SLC14A2: variants seen among roughly 807,000 people sequenced by gnomAD.
SLC14A2 encodes the protein urea transporter 2.
In SLC14A2, 91 loss-of-function variants were observed where a neutral mutation model predicts 104.6. The observed-to-expected ratio is 0.87, with a 90% CI of 0.73 to 1.04. The LOEUF (loss-of-function observed/expected upper bound fraction) is 1.04, where lower values mean the gene tolerates loss of function less well. Among genes scored for constraint, SLC14A2 ranks in the 50% least tolerant of loss-of-function variants. The pLI is 0.00. For missense variants in SLC14A2, 1,189 were observed against 1,156.0 expected, an observed-to-expected ratio of 1.03 and a Z score of -0.41; for synonymous variants, 476 against 466.4, an observed-to-expected ratio of 1.02 and a Z score of -0.27.
intron 8 of SLC14A2, among the ~76,000 whole-genome samples, chr18:45,641,792 G>T (rs2045532970): frequency 6.6e-6 from 1 of 152,180 alleles, no homozygotes; most frequent in Non-Finnish European, 1.5e-5. Flanking sequence ...GTCCACAAAG[G>T]TTGTTGGAAT....
intron 1 of SLC14A2, among the ~76,000 whole-genome samples, chr18:45,426,505 T>G (rs2086428555): frequency 6.6e-6 from 1 of 151,582 alleles, no homozygotes; most frequent in Admixed American, 6.6e-5. Context: ...CTTGTATGTT[T>G]TATCCCTGAT....
At chr18:45,282,910 G>C (rs767107641) in intron 1 of SLC14A2, among the ~76,000 whole-genome samples, 17 of 151,478 alleles carry the variant, frequency 1.1e-4, no homozygotes, top group Non-Finnish European at 2.1e-4. Context: ...CTTTGTGATT[G>C]TACTGAGTTT....
intron 1 of SLC14A2, among the ~76,000 whole-genome samples, chr18:45,328,965 A>G (rs1242886617): frequency 2.6e-5 from 4 of 152,218 alleles, no homozygotes. Context: ...AAGTAGAGAT[A>G]ATTTGTTCCA....
At chr18:45,550,516 A>G (rs538167334) in intron 2 of SLC14A2, among the ~76,000 whole-genome samples, 1 of 152,272 alleles carries the variant, frequency 6.6e-6, no homozygotes, top group East Asian at 1.9e-4. Context: ...TGGCGTATTC[A>G]TCCCTGAACC....
chr18:45,393,609 G>C (rs982861386), intron 1 of SLC14A2, among the ~76,000 whole-genome samples: 1 of 152,190 alleles, frequency 6.6e-6, no homozygotes, highest in Non-Finnish European at 1.5e-5. Flanking sequence ...GGAGGGAGCT[G>C]GAAGCTCTTG....
intron 1 of SLC14A2, among the ~76,000 whole-genome samples, chr18:45,229,830 G>A (rs994555713): frequency 1.3e-5 from 2 of 152,030 alleles, no homozygotes; most frequent in African/African-American, 4.8e-5. Context: ...GCGTTCCCAG[G>A]TGCAACTCTT....
chr18:45,377,385 CTT>C (rs1357774423), intron 1 of SLC14A2, among the ~76,000 whole-genome samples: 4 of 152,086 alleles, frequency 2.6e-5, no homozygotes, highest in Non-Finnish European at 5.9e-5. Flanking sequence ...ACTCCAATGA[CTT>C]TTAAATCCCC....
In SLC14A2 at chr18:45,641,415, T is replaced by C. The variant is rs1486939681; in HGVS notation, c.1126+72T>C. ...TCCCCCCTTGTTTATGTGAAACCCA[T>C]GGGGACCACTAATCAATACTGTTCA... On this transcript the variant is annotated intron_variant, in intron 8 of 19. Transcript: ENST00000255226. The C allele has an allele frequency of 2.6e-6, 4 of 1,539,020 alleles. No individual in the cohort carries two copies. The East Asian group carries it at 6.7e-5, about 26-fold the overall frequency.
intron 2 of SLC14A2, among the ~76,000 whole-genome samples, chr18:45,495,474 A>C (rs1019513738): frequency 6.6e-6 from 1 of 152,164 alleles, no homozygotes; most frequent in African/African-American, 2.4e-5. Context: ...CCACCCAGCC[A>C]CCCGGTGATC....
chr18:45,669,789 T>TTCAGCC (rs1239677447), intron 16 of SLC14A2, among the ~76,000 whole-genome samples: 1 of 152,240 alleles, frequency 6.6e-6, no homozygotes, highest in Non-Finnish European at 1.5e-5. Context: ...AGACTAGAAC[T>TTCAGCC]TCAGCCTCCT....
the SLC14A2 span, among the ~76,000 whole-genome samples, chr18:45,199,164 C>A: frequency 6.6e-6 from 1 of 152,164 alleles, no homozygotes. Flanking sequence ...AGCTGCCAAC[C>A]AGATTGATGG....
intron 1 of SLC14A2, among the ~76,000 whole-genome samples, chr18:45,353,785 A>C (rs1183540113): frequency 2.0e-5 from 3 of 152,186 alleles, no homozygotes; most frequent in South Asian, 2.1e-4. Flanking sequence ...CCAAGACTAA[A>C]TATACACCCC....
At chr18:45,629,459 C>T (rs142884996) in intron 4 of SLC14A2, among the ~76,000 whole-genome samples, 16 of 152,296 alleles carry the variant, frequency 1.1e-4, no homozygotes, top group African/African-American at 3.9e-4. Flanking sequence ...CAGAACTGAG[C>T]CCCTGGCAGA....
chr18:45,169,805 T>C, the SLC14A2 span, among the ~76,000 whole-genome samples: 1 of 152,140 alleles, frequency 6.6e-6, no homozygotes, highest in African/African-American at 2.4e-5. Context: ...TATTGGGCAA[T>C]ACCATCTACT....
intron 1 of SLC14A2, among the ~76,000 whole-genome samples, chr18:45,285,673 C>A (rs1019026312): frequency 5.5e-5 from 8 of 145,010 alleles, no homozygotes; most frequent in South Asian, 2.3e-4. Context: ...CCCCCCCCCC[C>A]CTCGGCCTCC....
intron 1 of SLC14A2, among the ~76,000 whole-genome samples, chr18:45,347,774 A>G (rs985903130): frequency 6.6e-6 from 1 of 152,322 alleles, no homozygotes; most frequent in South Asian, 2.1e-4. Context: ...TTCAAGACTT[A>G]GTATAAACTT....
chr18:45,314,067 G>A (rs1247675131), intron 1 of SLC14A2, among the ~76,000 whole-genome samples: 2 of 152,230 alleles, frequency 1.3e-5, no homozygotes, highest in Non-Finnish European at 2.9e-5. Flanking sequence ...GCCTGACACA[G>A]TGTGTCTTGA....
chr18:45,595,268 T>A (rs967367030), intron 2 of SLC14A2, among the ~76,000 whole-genome samples: 3 of 152,196 alleles, frequency 2.0e-5, no homozygotes, highest in Admixed American at 2.0e-4. Context: ...AGAAAAATGA[T>A]CTTCACAACA....
intron 10 of SLC14A2, among the ~76,000 whole-genome samples, chr18:45,651,677 C>T (rs980368939): frequency 6.6e-6 from 1 of 152,142 alleles, no homozygotes; most frequent in Admixed American, 6.5e-5. Flanking sequence ...TGCGGCCTCT[C>T]TTTTCCAATT....
Sources: gnomAD v4.1 joint callset for allele counts (sites outside exome capture counted in the v4.1 genomes callset) on GRCh38, gnomAD v4.1.1 for gene constraint, MANE v1.5 for transcripts, NCBI Gene and HGNC (gene_info 2026-07-23, HGNC 2026-07-21) for gene names.